Variants in OPCML observed in about 807,000 individuals in gnomAD.
OPCML encodes the protein opioid binding protein/cell adhesion molecule like, also known as opioid-binding protein/cell adhesion molecule.
A neutral mutation model predicts 37.8 loss-of-function variants in OPCML; 13 were observed. The observed-to-expected ratio is 0.34, with a 90% CI of 0.22 to 0.55. The LOEUF is 0.55. Ranked by LOEUF, OPCML falls within the 20% of genes least tolerant of loss-of-function variation. The pLI is 0.91. For missense variants in OPCML, 341 were observed against 435.6 expected (o/e 0.78, Z 1.93); for synonymous variants, 176 against 168.8 (o/e 1.04, Z -0.33).
At chr11:133,422,871 T>TCTGAGG (rs1182073098) in intron 1 of OPCML, 1 of 951,954 alleles carries the variant, frequency 1.1e-6, no homozygotes, top group Non-Finnish European at 1.3e-6. Flanking sequence ...ACATAAGAAA[T>TCTGAGG]CTGAGGCTTA....
At chr11:133,448,783 A>G (rs925018925) in intron 1 of OPCML, among the ~76,000 whole-genome samples, 2 of 152,188 alleles carry the variant, frequency 1.3e-5, no homozygotes, top group Non-Finnish European at 2.9e-5. Context: ...TTTTAAACCC[A>G]AGTCTTGGAT....
Position 132,708,462 on chromosome 11 carries a change from T to A in OPCML, c.147-51143A>T, listed in dbSNP as rs113807689. On this transcript the variant is annotated intron_variant, in intron 2 of 7. Coordinates refer to ENST00000524381, the MANE Select transcript of OPCML (RefSeq NM_001012393.5). Reference sequence around the variant, plus strand: ...CTTCCATATGTGGAGATCTTTCTAGTTAGGATGCAATTTGGGATGGAAGAA... The same window carrying A: ...CTTCCATATGTGGAGATCTTTCTAGATAGGATGCAATTTGGGATGGAAGAA... Among the ~76,000 whole-genome samples the A allele has an allele frequency of 2.2e-3, 341 of 152,324 alleles. 2 individuals carry two copies. The highest frequency in any genetic ancestry group is 7.1e-3 in the African/African-American group (296 of 41,564).
chr11:133,224,934 C>A (rs1332583080), intron 1 of OPCML, among the ~76,000 whole-genome samples: 1 of 152,144 alleles, frequency 6.6e-6, no homozygotes, highest in Non-Finnish European at 1.5e-5. Context: ...GACCCTCCAT[C>A]CCAAGCTCAG....
At chr11:133,283,801 A>G (rs1200428487) in intron 1 of OPCML, among the ~76,000 whole-genome samples, 1 of 152,176 alleles carries the variant, frequency 6.6e-6, no homozygotes. Context: ...GGATAGTTCT[A>G]TGGGCTTCAT....
intron 2 of OPCML, among the ~76,000 whole-genome samples, chr11:132,804,042 T>G (rs1283198692): frequency 6.6e-6 from 1 of 152,214 alleles, no homozygotes; most frequent in Non-Finnish European, 1.5e-5. Flanking sequence ...GGAATAGACC[T>G]TGGCCATAAA....
intron 2 of OPCML, among the ~76,000 whole-genome samples, chr11:132,693,022 AC>A (rs1330869873): frequency 6.6e-6 from 1 of 152,214 alleles, no homozygotes; most frequent in Non-Finnish European, 1.5e-5. Flanking sequence ...TGTGTGACTT[AC>A]AAGTAAAGGA....
chr11:132,800,357 G>A lies in OPCML; in HGVS notation c.146+142569C>T, dbSNP rs1938572695. Among the ~76,000 whole-genome samples, 3 of 152,080 alleles carry A rather than the reference G, an allele frequency of 2.0e-5. No homozygotes were observed. In the South Asian group the frequency reaches 6.2e-4, roughly 32 times the overall value. On this transcript the variant is annotated intron_variant, in intron 2 of 7. Transcript: ENST00000524381. ...TACAATGTCATGTTATTTACAAAAAGATACTTTCCTTCTAATCTGAATTTT... is the reference window on the plus strand; with the variant it reads ...TACAATGTCATGTTATTTACAAAAAAATACTTTCCTTCTAATCTGAATTTT...
chr11:133,419,912 T>C (rs544452603), intron 1 of OPCML, among the ~76,000 whole-genome samples: 1 of 152,344 alleles, frequency 6.6e-6, no homozygotes, highest in East Asian at 1.9e-4. Flanking sequence ...TTCTAACATG[T>C]GTTTTTGTTG....
At chr11:132,585,187 C>T (rs1049459577) in intron 3 of OPCML, among the ~76,000 whole-genome samples, 1 of 152,000 alleles carries the variant, frequency 6.6e-6, no homozygotes, top group African/African-American at 2.4e-5. Context: ...CTTTAGGCAT[C>T]GATGTCACTC....
At chr11:133,060,983 A>T (rs1486178311) in intron 1 of OPCML, among the ~76,000 whole-genome samples, 2 of 152,248 alleles carry the variant, frequency 1.3e-5, no homozygotes, top group East Asian at 3.9e-4. Flanking sequence ...TCTAAGAGGG[A>T]TGCGAGCTAA....
intron 1 of OPCML, among the ~76,000 whole-genome samples, chr11:133,080,897 C>T (rs927513677): frequency 6.6e-6 from 1 of 152,040 alleles, no homozygotes; most frequent in African/African-American, 2.4e-5. Context: ...GTGCAGAACA[C>T]GACTGTTCAT....
chr11:132,653,656 G>A (rs188741991), intron 3 of OPCML, among the ~76,000 whole-genome samples: 5 of 152,310 alleles, frequency 3.3e-5, no homozygotes, highest in Admixed American at 3.3e-4. Context: ...AGTTCCATCA[G>A]ATATGTGGCA....
At position 133,515,194 on chromosome 11, in the gene OPCML, G is replaced by A. The variant is rs1948239626; in HGVS notation, c.61+17070C>T. Reference sequence around the variant, plus strand: ...CAGAGCAGGTCAGAGGTGCAGTCCTGTAATACAAGAAGAGAAGGCCATCTT... The same window carrying A: ...CAGAGCAGGTCAGAGGTGCAGTCCTATAATACAAGAAGAGAAGGCCATCTT... On this transcript the variant is annotated intron_variant, in intron 1 of 7. Transcript: ENST00000524381. Among the ~76,000 whole-genome samples the A allele has an allele frequency of 2.0e-5, 3 of 152,198 alleles. No homozygotes were observed. The South Asian group carries it at 6.2e-4, about 31-fold the overall frequency.
chr11:133,172,014 T>C (rs1352157259), intron 1 of OPCML, among the ~76,000 whole-genome samples: 2 of 152,224 alleles, frequency 1.3e-5, no homozygotes, highest in African/African-American at 2.4e-5. Context: ...TTTGAATACA[T>C]AGCAGAAGCT....
At chr11:132,479,855 C>CA (rs555326058) in intron 4 of OPCML, among the ~76,000 whole-genome samples, 4 of 152,112 alleles carry the variant, frequency 2.6e-5, no homozygotes, top group Non-Finnish European at 4.4e-5. Flanking sequence ...GACATCCGCA[C>CA]AAAAAACCCA....
chr11:132,728,045 G>C (rs1944947725), intron 2 of OPCML, among the ~76,000 whole-genome samples: 1 of 152,294 alleles, frequency 6.6e-6, no homozygotes, highest in Non-Finnish European at 1.5e-5. Flanking sequence ...AGCTCACCAG[G>C]GAGCTTCAAG....
At chr11:133,398,581 C>T (rs10894677) in intron 1 of OPCML, among the ~76,000 whole-genome samples, 70,155 of 151,794 alleles carry the variant, frequency 0.46, 18,641 homozygotes, top group African/African-American at 0.74. Context: ...CTATTCAAGG[C>T]GAAGGATAAG....
At chr11:132,738,729 T>G (rs1361228037) in intron 2 of OPCML, among the ~76,000 whole-genome samples, 5 of 152,214 alleles carry the variant, frequency 3.3e-5, no homozygotes, top group African/African-American at 9.6e-5. Flanking sequence ...GACTCATCCT[T>G]TATTGAAAGT....
chr11:132,708,099 ATAT>A (rs1325071201), intron 2 of OPCML, among the ~76,000 whole-genome samples: 2 of 152,186 alleles, frequency 1.3e-5, no homozygotes, highest in East Asian at 1.9e-4. Context: ...TTTTGAAGTA[ATAT>A]TATTTATAGT....
Sources: gnomAD v4.1 joint callset for allele counts (sites outside exome capture counted in the v4.1 genomes callset) on GRCh38, gnomAD v4.1.1 for gene constraint, MANE v1.5 for transcripts, NCBI Gene and HGNC (gene_info 2026-07-23, HGNC 2026-07-21) for gene names.